AHCYL2: variants seen among roughly 807,000 people sequenced by gnomAD.
The protein encoded by AHCYL2 is S-adenosylhomocysteine hydrolase-like protein 2.
A neutral mutation model predicts 81.4 loss-of-function variants in AHCYL2; 28 were observed. That is an observed-to-expected ratio of 0.34 (90% CI 0.25 to 0.47). AHCYL2 has a LOEUF of 0.47. AHCYL2 is among the 20% of genes least tolerant of loss of function. The probability of loss-of-function intolerance (pLI) is 1.00; values close to 1 mark genes in which losing one functional copy is unlikely to be tolerated. For missense variants in AHCYL2, 551 were observed against 785.1 expected (o/e 0.70, Z 3.56); for synonymous variants, 272 against 290.2 (o/e 0.94, Z 0.64).
chr7:129,271,778 G>A (rs950530730), intron 1 of AHCYL2, among the ~76,000 whole-genome samples: 3 of 152,174 alleles, frequency 2.0e-5, no homozygotes, highest in Admixed American at 2.0e-4. Context: ...AGGATAAATA[G>A]AAAGCATAAT....
intron 1 of AHCYL2, among the ~76,000 whole-genome samples, chr7:129,256,078 G>A (rs574708375): frequency 6.6e-6 from 1 of 152,202 alleles, no homozygotes; most frequent in East Asian, 1.9e-4. Flanking sequence ...CCACTTTGTT[G>A]AATGGAAAGC....
intron 15 of AHCYL2, among the ~76,000 whole-genome samples, chr7:129,425,427 GA>G (rs949850426): frequency 5.4e-5 from 8 of 148,650 alleles, no homozygotes; most frequent in South Asian, 2.1e-4. Context: ...TCTCAAAGGA[GA>G]AAAAAAAAAT....
At chr7:129,366,379 C>T (rs189862174) in intron 1 of AHCYL2, among the ~76,000 whole-genome samples, 13 of 152,290 alleles carry the variant, frequency 8.5e-5, no homozygotes, top group African/African-American at 2.9e-4. Context: ...CCTTCCTCTC[C>T]TCCATTCCAA....
In AHCYL2 at chr7:129,320,433, C is replaced by T. The variant is rs562477355; in HGVS notation, c.364-59205C>T. Among the ~76,000 whole-genome samples the T allele has an allele frequency of 4.5e-4, 69 of 152,246 alleles. No individual in the cohort carries two copies. In the South Asian group the frequency reaches 0.012, roughly 27 times the overall value. ...CTGGGTTCAAGCGATTCTCCTGTGT[C>T]AGCCTCCTAAGTAGCTGGGATTACA... On this transcript the variant is annotated intron_variant, in intron 1 of 16. Coordinates refer to ENST00000325006, the MANE Select transcript of AHCYL2 (RefSeq NM_015328.4).
At chr7:129,342,558 T>C (rs1793221177) in intron 1 of AHCYL2, among the ~76,000 whole-genome samples, 1 of 152,210 alleles carries the variant, frequency 6.6e-6, no homozygotes, top group Admixed American at 6.5e-5. Flanking sequence ...TGTAGCTTTG[T>C]ACCTTGAGGG....
intron 1 of AHCYL2, among the ~76,000 whole-genome samples, chr7:129,233,467 G>C (rs1794519991): frequency 6.6e-6 from 1 of 151,990 alleles, no homozygotes; most frequent in Non-Finnish European, 1.5e-5. Context: ...ATTAGCCACT[G>C]TGCCTGGCCT....
At chr7:129,233,059 G>C (rs556099563) in intron 1 of AHCYL2, among the ~76,000 whole-genome samples, 1 of 152,282 alleles carries the variant, frequency 6.6e-6, no homozygotes, top group East Asian at 1.9e-4. Flanking sequence ...AAATTAGACA[G>C]ATCAGTGTCA....
intron 1 of AHCYL2, among the ~76,000 whole-genome samples, chr7:129,327,746 G>A (rs1798273272): frequency 6.6e-6 from 1 of 151,828 alleles, no homozygotes; most frequent in South Asian, 2.1e-4. Context: ...TTACAGGCGT[G>A]AGCCACCGTA....
chr7:129,242,507 G>C (rs1794898308), intron 1 of AHCYL2, among the ~76,000 whole-genome samples: 1 of 152,076 alleles, frequency 6.6e-6, no homozygotes. Context: ...CACGAGGTCA[G>C]AAGTTTGAGA....
chr7:129,416,872 C>A (rs1309065183), intron 12 of AHCYL2, among the ~76,000 whole-genome samples: 1 of 152,092 alleles, frequency 6.6e-6, no homozygotes, highest in Non-Finnish European at 1.5e-5. Flanking sequence ...AATCCCAGCA[C>A]TTTGGGAGAC....
Position 129,389,074 on chromosome 7 carries a change from G to T in AHCYL2, c.494G>T (p.Ser165Ile). ...SYSSAASYTDSSDDETSPRDK... is the reference protein window; with the variant it reads ...SYSSAASYTDISDDETSPRDK... The stretch of plus-strand genomic sequence containing the variant: ...ATTCCAGCGGCTTCATATACAGATA[G>T]CTCTGATGATGAGACATCGCCCAGG... The change falls in exon 3 of 17, where the codon AGC (serine) becomes ATC (isoleucine). Residue 165 changes from serine (S) to isoleucine (I), a missense_variant. Transcript: ENST00000325006. 1 of 1,613,572 alleles carries T rather than the reference G, an allele frequency of 6.2e-7. No individual in the cohort carries two copies. The highest frequency in any genetic ancestry group is 8.5e-7 in the Non-Finnish European group (1 of 1,179,822).
At chr7:129,373,443 CAAA>C (rs1222861522) in intron 1 of AHCYL2, among the ~76,000 whole-genome samples, 2 of 151,436 alleles carry the variant, frequency 1.3e-5, no homozygotes, top group Admixed American at 1.3e-4. Flanking sequence ...AACAAAAAAG[CAAA>C]AAAACTAGCC....
rs925434037 is a variant in AHCYL2 at position 129,413,705 on chromosome 7, C to T, written c.1461+17C>T. The T allele has an allele frequency of 6.2e-7, 1 of 1,605,604 alleles. No individual in the cohort carries two copies. Among genetic ancestry groups the T allele is most frequent in the East Asian group, 2.2e-5 (1 of 44,838 alleles). ...ATTGACGTGGTAAGATCAAGTAGCT[C>T]ATTATTGGGGGCTTTTTTCTCTCCT... On this transcript the variant is annotated intron_variant, in intron 12 of 16. Transcript: ENST00000325006.
At chr7:129,400,422 C>T (rs1033920769) in intron 6 of AHCYL2, 38 bp downstream of exon 6, 4 of 1,585,484 alleles carry the variant, frequency 2.5e-6, no homozygotes, top group Non-Finnish European at 3.5e-6. Context: ...CTGTAGGGGT[C>T]AGGAATGGGG....
intron 4 of AHCYL2, among the ~76,000 whole-genome samples, chr7:129,395,947 G>C (rs1383871962): frequency 6.6e-6 from 1 of 152,126 alleles, no homozygotes; most frequent in Non-Finnish European, 1.5e-5. Context: ...ACTGCCAAAG[G>C]TGAAACAGTC....
rs1797439476 is a variant in AHCYL2, at chr7:129,428,189, AT to A, written c.*1146del. On this transcript the variant is annotated 3_prime_UTR_variant, in exon 17 of 17. Coordinates refer to ENST00000325006, the MANE Select transcript of AHCYL2 (RefSeq NM_015328.4). ...TTGACTAGTTTGAACCTCGTCAGACATTCATTCCTTTGGCCATTGCCATGGA... is the reference window on the plus strand; with the variant it reads ...TTGACTAGTTTGAACCTCGTCAGACATCATTCCTTTGGCCATTGCCATGGA... 6.6e-6 allele frequency: 1 copy of A among 152,256 alleles called. No homozygotes were observed. Among genetic ancestry groups the A allele is most frequent in the African/African-American group, 2.4e-5 (1 of 41,466 alleles). 9.4% of individuals were successfully genotyped at this position (152,256 alleles called of 1,614,324 possible). A position where few individuals can be genotyped will look rare whatever the true frequency, so the allele number is the denominator to read the frequency against.
intron 1 of AHCYL2, among the ~76,000 whole-genome samples, chr7:129,248,996 CTTT>C (rs34696153): frequency 1.6e-5 from 2 of 126,370 alleles, no homozygotes; most frequent in Non-Finnish European, 1.6e-5. Context: ...TAACAATAAA[CTTT>C]TTTTTTTTTT....
intron 1 of AHCYL2, among the ~76,000 whole-genome samples, chr7:129,318,012 A>G (rs1246296360): frequency 2.0e-5 from 3 of 152,126 alleles, no homozygotes; most frequent in Admixed American, 1.3e-4. Flanking sequence ...CGTGCAATAA[A>G]TATATTTAGT....
At position 129,427,036 on chromosome 7, in the gene AHCYL2, C is replaced by A; in HGVS notation, c.1830-3C>A. ...ACAGTCTCATCTTTCTTTTTCCCTC[C>A]AGGTATTAAGTTCCTGTAACTCAAA... On this transcript the variant is annotated splice_polypyrimidine_tract_variant and splice_region_variant and intron_variant, in intron 16 of 16. Coordinates refer to ENST00000325006, the MANE Select transcript of AHCYL2 (RefSeq NM_015328.4). The surrounding 1 kb of genome is among the most constrained non-coding windows in gnomAD (Gnocchi z 5.5). 1 of 1,611,064 alleles carries A rather than the reference C, an allele frequency of 6.2e-7. No homozygotes were observed. Among genetic ancestry groups the A allele is most frequent in the South Asian group, 1.1e-5 (1 of 90,982 alleles).
Sources: allele counts gnomAD v4.1 joint callset (sites outside exome capture counted in the v4.1 genomes callset), GRCh38; gene constraint gnomAD v4.1.1; non-coding constraint Gnocchi (gnomAD v3.1); transcripts MANE v1.5; gene names NCBI Gene and HGNC (gene_info 2026-07-23, HGNC 2026-07-21).